The following FSTL5 variants were observed in gnomAD, a reference collection of about 807,000 sequenced individuals.
FSTL5 encodes the protein follistatin-related protein 5.
In FSTL5, 62 loss-of-function variants were observed where a neutral mutation model predicts 89.1. That is an observed-to-expected ratio of 0.70 (90% confidence interval 0.57 to 0.86). The LOEUF is 0.86. Ranked by LOEUF, FSTL5 falls within the 40% of genes least tolerant of loss-of-function variation. FSTL5 has a pLI of 0.00. For synonymous variants in FSTL5, 383 were observed against 346.2 expected, an observed-to-expected ratio of 1.11 and a Z score of -1.18; for missense variants, 1,057 against 1,001.6, an observed-to-expected ratio of 1.06 and a Z score of -0.75.
At chr4:161,427,295 T>C (rs554306784) in intron 15 of FSTL5, among the ~76,000 whole-genome samples, 16 of 152,352 alleles carry the variant, frequency 1.1e-4, no homozygotes, top group Non-Finnish European at 1.9e-4. Context: ...TCTTCTCCTC[T>C]GGGGAGCTTA....
intron 15 of FSTL5, chr4:161,386,836 C>G (rs924994743): frequency 1.2e-5 from 2 of 167,532 alleles, no homozygotes; most frequent in Non-Finnish European, 2.6e-5. Context: ...GTAAAAGGCT[C>G]GAATATATAT....
intron 6 of FSTL5, among the ~76,000 whole-genome samples, chr4:161,662,084 A>C (rs946120120): frequency 6.6e-6 from 1 of 152,158 alleles, no homozygotes; most frequent in Non-Finnish European, 1.5e-5. Context: ...TCCAGGCATA[A>C]GGGATAGGGA....
At chr4:161,653,258 A>C (rs1157400632) in intron 7 of FSTL5, among the ~76,000 whole-genome samples, 1 of 152,192 alleles carries the variant, frequency 6.6e-6, no homozygotes, top group Non-Finnish European at 1.5e-5. Context: ...GGCCTATTGG[A>C]GACCCCATTG....
intron 7 of FSTL5, among the ~76,000 whole-genome samples, chr4:161,632,093 A>G (rs1735522821): frequency 1.3e-5 from 2 of 152,184 alleles, no homozygotes; most frequent in African/African-American, 4.8e-5. Context: ...AGAGAAAGAT[A>G]GATTCAGCCA....
intron 3 of FSTL5, among the ~76,000 whole-genome samples, chr4:161,981,740 C>T (rs1300417004): frequency 6.6e-6 from 1 of 152,052 alleles, no homozygotes; most frequent in Non-Finnish European, 1.5e-5. Flanking sequence ...TGGACTTTGC[C>T]TTCAATTTAA....
intron 8 of FSTL5, among the ~76,000 whole-genome samples, chr4:161,567,641 A>C (rs865931607): frequency 6.6e-6 from 1 of 152,160 alleles, no homozygotes; most frequent in Non-Finnish European, 1.5e-5. Context: ...TGAAGAAAAC[A>C]ACTTTGTAAT....
chr4:161,569,073 T>C (rs536011562), intron 8 of FSTL5, among the ~76,000 whole-genome samples: 8 of 152,250 alleles, frequency 5.3e-5, no homozygotes, highest in Non-Finnish European at 1.2e-4. Context: ...TTATATTTCA[T>C]TACACCCTCA....
At chr4:161,459,433 A>G (rs1414074597) in intron 13 of FSTL5, 114 bp from the exon 14 acceptor site, 2 of 606,590 alleles carry the variant, frequency 3.3e-6, no homozygotes, top group Non-Finnish European at 5.7e-6. Context: ...TAATTTGCCA[A>G]ATATATAATT....
intron 4 of FSTL5, among the ~76,000 whole-genome samples, chr4:161,792,664 C>T (rs1252612367): frequency 6.6e-6 from 1 of 152,242 alleles, no homozygotes; most frequent in South Asian, 2.1e-4. Context: ...CTGTGGGTCT[C>T]CTCTCCCCTG....
In FSTL5 at chr4:162,078,950, T is replaced by A. The variant is rs114571497; in HGVS notation, c.126+32321A>T. On this transcript the variant is annotated intron_variant, in intron 2 of 15. Transcript: ENST00000306100. ...TTTCAGGAGAGAAACTTGGGCATGCTCTACTGCAGAAAACATCAGTAACAA... is the reference window on the plus strand; with the variant it reads ...TTTCAGGAGAGAAACTTGGGCATGCACTACTGCAGAAAACATCAGTAACAA... Among the ~76,000 whole-genome samples, 1,044 of 151,800 alleles carry A rather than the reference T, an allele frequency of 6.9e-3. 12 individuals carry two copies. The highest frequency in any genetic ancestry group is 0.024 in the African/African-American group (985 of 41,498).
At chr4:161,685,631 A>C (rs1737684054) in intron 6 of FSTL5, among the ~76,000 whole-genome samples, 1 of 152,160 alleles carries the variant, frequency 6.6e-6, no homozygotes, top group South Asian at 2.1e-4. Context: ...AACTTGGCTG[A>C]ATTCTTTTGT....
chr4:161,709,142 C>T (rs1038969061), intron 6 of FSTL5, among the ~76,000 whole-genome samples: 1 of 152,092 alleles, frequency 6.6e-6, no homozygotes, highest in Non-Finnish European at 1.5e-5. Flanking sequence ...ATTTTTATTA[C>T]ATAGCTGGAA....
chr4:162,006,444 A>G (rs144250655), intron 3 of FSTL5, among the ~76,000 whole-genome samples: 174 of 152,070 alleles, frequency 1.1e-3, no homozygotes, highest in African/African-American at 4.0e-3. Context: ...AAACAGATAA[A>G]TGAGTGATAT....
chr4:161,998,919 A>G (rs1736382594), intron 3 of FSTL5, among the ~76,000 whole-genome samples: 1 of 151,084 alleles, frequency 6.6e-6, no homozygotes. Flanking sequence ...TTGGTATCTT[A>G]TTTCTACAAA....
intron 4 of FSTL5, among the ~76,000 whole-genome samples, chr4:161,846,341 A>C (rs962285867): frequency 6.6e-6 from 1 of 152,074 alleles, no homozygotes; most frequent in African/African-American, 2.4e-5. Context: ...ACAATTTAGT[A>C]CTTAAATTTG....
At chr4:161,954,001 AAATGGACCACAG>A (rs1478427460) in intron 3 of FSTL5, among the ~76,000 whole-genome samples, 1 of 151,672 alleles carries the variant, frequency 6.6e-6, no homozygotes, top group Non-Finnish European at 1.5e-5. Flanking sequence ...ATTATATGCT[AAATGGACCACAG>A]AATAAGCATT....
chr4:161,657,985 T>A (rs1355585483), intron 6 of FSTL5, among the ~76,000 whole-genome samples: 6 of 152,212 alleles, frequency 3.9e-5, no homozygotes. Context: ...CTCTTGAAAT[T>A]GGAAAATCCT....
chr4:161,730,483 G>C (rs920134533), intron 6 of FSTL5, among the ~76,000 whole-genome samples: 1 of 151,518 alleles, frequency 6.6e-6, no homozygotes, highest in Non-Finnish European at 1.5e-5. Flanking sequence ...AATTTTATTT[G>C]TTTACTATAT....
At position 161,587,471 on chromosome 4, in the gene FSTL5, G is replaced by A; in HGVS notation, c.999C>T (p.His333=). 1 of 1,613,246 alleles carries A rather than the reference G, an allele frequency of 6.2e-7. No individual in the cohort carries two copies. Among genetic ancestry groups the A allele is most frequent in the South Asian group, 1.1e-5 (1 of 91,066 alleles). Residue 333 remains histidine (H), a synonymous_variant, in exon 8 of 16, where the codon CAC becomes CAT. Transcript: ENST00000306100. ...ADGYEQVYQT[H]IFQVNVPPVI... is the part of the protein sequence containing the mutation. ...ACTTCTTACCATTCACTTGGAAGAT[G>A]TGAGTCTGATAGACTTGTTCATAGC...
Sources: gnomAD v4.1 joint callset for allele counts (sites outside exome capture counted in the v4.1 genomes callset) on GRCh38, gnomAD v4.1.1 for gene constraint, MANE v1.5 for transcripts, NCBI Gene and HGNC (gene_info 2026-07-23, HGNC 2026-07-21) for gene names.